The following CHRM3 variants were observed in gnomAD, a reference collection of about 807,000 sequenced individuals.
CHRM3 encodes the protein cholinergic receptor muscarinic 3, also known as muscarinic acetylcholine receptor M3.
CHRM3 carries 11 observed loss-of-function variants against 41.8 expected under a neutral mutation model. The observed-to-expected ratio is 0.26, with a 90% CI of 0.17 to 0.44. The LOEUF (loss-of-function observed/expected upper bound fraction) is 0.44, where lower values mean the gene tolerates loss of function less well. Ranked by LOEUF, CHRM3 falls within the 20% of genes least tolerant of loss-of-function variation. The probability of loss-of-function intolerance (pLI) is 1.00; values close to 1 mark genes in which losing one functional copy is unlikely to be tolerated. For missense variants in CHRM3, 571 were observed against 745.4 expected, an observed-to-expected ratio of 0.77 and a Z score of 2.72; for synonymous variants, 297 against 301.4, an observed-to-expected ratio of 0.99 and a Z score of 0.15.
intron 3 of CHRM3, among the ~76,000 whole-genome samples, chr1:239,597,699 A>C (rs1332395810): frequency 6.6e-6 from 1 of 151,960 alleles, no homozygotes; most frequent in Non-Finnish European, 1.5e-5. Flanking sequence ...AAATATTTAA[A>C]ATACAAATAT....
At chr1:239,904,157 G>T in intron 6 of CHRM3, among the ~76,000 whole-genome samples, 1 of 152,186 alleles carries the variant, frequency 6.6e-6, no homozygotes, top group East Asian at 1.9e-4. Context: ...CTAGATAGTA[G>T]AAATGAGGAA....
At chr1:239,457,160 G>A (rs1248817706) in intron 1 of CHRM3, among the ~76,000 whole-genome samples, 1 of 152,060 alleles carries the variant, frequency 6.6e-6, no homozygotes, top group Non-Finnish European at 1.5e-5. Flanking sequence ...GTCCCTATTG[G>A]CCCCTTTCTT....
intron 6 of CHRM3, among the ~76,000 whole-genome samples, chr1:239,881,306 A>G (rs982652787): frequency 6.7e-6 from 1 of 149,888 alleles, no homozygotes; most frequent in African/African-American, 2.4e-5. Flanking sequence ...AAAAAAAAAA[A>G]GAATACAATC....
Position 239,407,178 on chromosome 1 carries a change from C to T in CHRM3, c.-521+19951C>T, listed in dbSNP as rs1444017809. On this transcript the variant is annotated intron_variant, in intron 1 of 6. Transcript: ENST00000676153. ...TTTTTCCAGAAGTCTATATAGCTTG[C>T]TTTTTCACTTCTGTTAGAGCTGTCC... Among the ~76,000 whole-genome samples, 6 of 152,044 alleles carry T rather than the reference C, an allele frequency of 3.9e-5. No individual in the cohort carries two copies. In the East Asian group the frequency reaches 1.2e-3, roughly 29 times the overall value.
At chr1:239,546,375 C>A (rs1384140241) in intron 3 of CHRM3, 1 of 152,080 alleles carries the variant, frequency 6.6e-6, no homozygotes, top group Admixed American at 6.5e-5. Context: ...CTTTGAAGGT[C>A]AACAGAGGTA....
chr1:239,516,027 C>T (rs1669241644), intron 2 of CHRM3, among the ~76,000 whole-genome samples: 1 of 152,100 alleles, frequency 6.6e-6, no homozygotes, highest in African/African-American at 2.4e-5. Flanking sequence ...TGACTGCTTT[C>T]TCTTTCTCTT....
intron 3 of CHRM3, among the ~76,000 whole-genome samples, chr1:239,597,822 G>T (rs1282570094): frequency 1.4e-5 from 2 of 141,628 alleles, no homozygotes; most frequent in Non-Finnish European, 3.1e-5. Flanking sequence ...TTTTTACTGG[G>T]TATTCCTGAG....
intron 5 of CHRM3, among the ~76,000 whole-genome samples, chr1:239,701,825 G>C (rs920061553): frequency 6.6e-6 from 1 of 152,024 alleles, no homozygotes; most frequent in East Asian, 1.9e-4. Flanking sequence ...CCCATTCCTC[G>C]CTCATGCTAT....
At chr1:239,463,427 T>C (rs899142681) in intron 1 of CHRM3, among the ~76,000 whole-genome samples, 7 of 152,188 alleles carry the variant, frequency 4.6e-5, no homozygotes, top group Non-Finnish European at 1.0e-4. Flanking sequence ...ACCTCTGCCG[T>C]CTCACTCTAA....
At chr1:239,531,445 G>A (rs187863538) in intron 2 of CHRM3, among the ~76,000 whole-genome samples, 1 of 152,094 alleles carries the variant, frequency 6.6e-6, no homozygotes, top group East Asian at 1.9e-4. Flanking sequence ...ACCAATGATT[G>A]TATTTCGGCA....
intron 1 of CHRM3, among the ~76,000 whole-genome samples, chr1:239,407,352 C>G (rs1660671976): frequency 6.6e-6 from 1 of 150,532 alleles, no homozygotes; most frequent in Non-Finnish European, 1.5e-5. Context: ...TTTTTTCACT[C>G]ACTGTCTGTT....
At chr1:239,561,802 T>A (rs1251858458) in intron 3 of CHRM3, among the ~76,000 whole-genome samples, 3 of 152,152 alleles carry the variant, frequency 2.0e-5, no homozygotes, top group Non-Finnish European at 2.9e-5. Flanking sequence ...TCTCAGAACC[T>A]AGAAATGTCC....
chr1:239,608,438 G>C (rs1385742294), intron 3 of CHRM3, among the ~76,000 whole-genome samples: 1 of 152,058 alleles, frequency 6.6e-6, no homozygotes, highest in Non-Finnish European at 1.5e-5. Flanking sequence ...AAAAAGAGCT[G>C]TTCTGAGAAA....
intron 1 of CHRM3, among the ~76,000 whole-genome samples, chr1:239,433,434 C>T (rs1662984192): frequency 6.6e-6 from 1 of 152,148 alleles, no homozygotes; most frequent in South Asian, 2.1e-4. Flanking sequence ...TTAGGCTCGA[C>T]TCATTTCTTG....
intron 2 of CHRM3, among the ~76,000 whole-genome samples, chr1:239,532,606 G>C (rs1657743451): frequency 7.4e-6 from 1 of 134,956 alleles, no homozygotes; most frequent in Non-Finnish European, 1.6e-5. Context: ...CCTGGTGACA[G>C]AGCAAGACTG....
At chr1:239,424,386 T>C (rs1308012153) in intron 1 of CHRM3, among the ~76,000 whole-genome samples, 1 of 150,342 alleles carries the variant, frequency 6.7e-6, no homozygotes, top group Non-Finnish European at 1.5e-5. Context: ...ATATTAGATC[T>C]GCATTTGTGG....
chr1:239,506,647 T>G (rs950107776), intron 2 of CHRM3, among the ~76,000 whole-genome samples: 4 of 152,160 alleles, frequency 2.6e-5, no homozygotes, highest in African/African-American at 9.7e-5. Context: ...GAGTCCCTAC[T>G]GGGGCACTGC....
At chr1:239,456,101 C>T (rs983876440) in intron 1 of CHRM3, among the ~76,000 whole-genome samples, 1 of 152,208 alleles carries the variant, frequency 6.6e-6, no homozygotes, top group African/African-American at 2.4e-5. Flanking sequence ...TGCCGTGATC[C>T]TGGTGAGTTT....
chr1:239,393,224 G>T (rs1659194033), intron 1 of CHRM3, among the ~76,000 whole-genome samples: 1 of 152,004 alleles, frequency 6.6e-6, no homozygotes, highest in Admixed American at 6.6e-5. Context: ...AATATTGTTG[G>T]GTTTTTGGCT....
Sources: gnomAD v4.1 joint callset for allele counts (sites outside exome capture counted in the v4.1 genomes callset) on GRCh38, gnomAD v4.1.1 for gene constraint, MANE v1.5 for transcripts, NCBI Gene and HGNC (gene_info 2026-07-23, HGNC 2026-07-21) for gene names.